Variants in ATL2 observed in about 807,000 individuals in gnomAD.
The protein encoded by ATL2 is atlastin-2.
In ATL2, 31 loss-of-function variants were observed where a neutral mutation model predicts 73.9. That is an observed-to-expected ratio of 0.42 (90% confidence interval 0.32 to 0.57). The LOEUF is 0.57. ATL2 is among the 20% of genes least tolerant of loss of function. The pLI, the probability that ATL2 is intolerant of heterozygous loss-of-function variation, is 0.14. For missense variants in ATL2, 738 were observed against 702.6 expected, an observed-to-expected ratio of 1.05 and a Z score of -0.57; for synonymous variants, 291 against 237.5, an observed-to-expected ratio of 1.23 and a Z score of -2.07.
chr2:38,312,723 A>AAAAAAAAG (rs572171542), intron 7 of ATL2, among the ~76,000 whole-genome samples: 3 of 149,292 alleles, frequency 2.0e-5, no homozygotes, highest in African/African-American at 7.6e-5. Flanking sequence ...AAAAAAAAAA[A>AAAAAAAAG]AAGAAGGTGC....
chr2:38,356,269 A>T (rs1359125549), intron 1 of ATL2, among the ~76,000 whole-genome samples: 1 of 151,526 alleles, frequency 6.6e-6, no homozygotes, highest in Admixed American at 6.6e-5. Context: ...ACCAGGCTGG[A>T]GTGCAATGGT....
At chr2:38,338,376 A>G (rs1669497048) in intron 2 of ATL2, among the ~76,000 whole-genome samples, 1 of 152,192 alleles carries the variant, frequency 6.6e-6, no homozygotes, top group African/African-American at 2.4e-5. Flanking sequence ...GGGTGACAAG[A>G]TCAATTGTAC....
chr2:38,346,789 G>A (rs59077348), intron 1 of ATL2, among the ~76,000 whole-genome samples: 15,950 of 152,174 alleles, frequency 0.1, 2,773 homozygotes, highest in African/African-American at 0.36. Context: ...GGCCACGGAC[G>A]AGTACCAGTC....
chr2:38,311,111 C>T (rs1050488398), intron 7 of ATL2, among the ~76,000 whole-genome samples: 1 of 145,578 alleles, frequency 6.9e-6, no homozygotes, highest in Admixed American at 6.6e-5. Context: ...AGCAACAAAA[C>T]AGAACAAAAC....
chr2:38,303,861 G>C (rs1267522135), intron 9 of ATL2, among the ~76,000 whole-genome samples: 1 of 152,200 alleles, frequency 6.6e-6, no homozygotes. Flanking sequence ...GCTGGGCGTG[G>C]TGGCTCATGC....
chr2:38,306,168 T>C (rs914500427), intron 9 of ATL2, among the ~76,000 whole-genome samples: 1 of 152,116 alleles, frequency 6.6e-6, no homozygotes, highest in Non-Finnish European at 1.5e-5. Flanking sequence ...TTCCTAGACA[T>C]ATACAACCTA....
At chr2:38,343,544 T>C (rs1303665076) in intron 1 of ATL2, 32 bp from the exon 2 acceptor site, 1 of 1,580,570 alleles carries the variant, frequency 6.3e-7, no homozygotes, top group East Asian at 2.2e-5. Context: ...ACTGGTTACT[T>C]TAATCCCTAT....
chr2:38,357,564 A>C (rs989635723), intron 1 of ATL2, among the ~76,000 whole-genome samples: 11 of 147,856 alleles, frequency 7.4e-5, no homozygotes, highest in African/African-American at 2.8e-4. Flanking sequence ...AGGCAGAAGA[A>C]TCGCTTGAAC....
chr2:38,333,598 T>C (rs1669127598), intron 2 of ATL2, among the ~76,000 whole-genome samples: 1 of 152,188 alleles, frequency 6.6e-6, no homozygotes, highest in African/African-American at 2.4e-5. Flanking sequence ...ACAAAGAGTT[T>C]GGAATGAAAA....
At chr2:38,354,192 A>G (rs1670527525) in intron 1 of ATL2, 1 of 435,016 alleles carries the variant, frequency 2.3e-6, no homozygotes, top group Non-Finnish European at 4.5e-6. Context: ...CTCAAAAAAA[A>G]GCAAAGAGTA....
chr2:38,371,539 A>T (rs539435392), intron 1 of ATL2, among the ~76,000 whole-genome samples: 1 of 152,164 alleles, frequency 6.6e-6, no homozygotes, highest in African/African-American at 2.4e-5. Context: ...TAAAAAAATT[A>T]CTGTAAGTTT....
intron 2 of ATL2, among the ~76,000 whole-genome samples, chr2:38,323,527 G>A (rs1668440623): frequency 6.6e-6 from 1 of 151,664 alleles, no homozygotes; most frequent in African/African-American, 2.4e-5. Context: ...TAATCAAATA[G>A]TGAATAAATA....
chr2:38,298,008 T>C (rs1666984745), intron 12 of ATL2, 136 bp downstream of exon 12: 1 of 810,372 alleles, frequency 1.2e-6, no homozygotes, highest in Non-Finnish European at 1.9e-6. Flanking sequence ...ATAAAGATTC[T>C]ACATCTGAAC....
intron 2 of ATL2, among the ~76,000 whole-genome samples, chr2:38,333,563 G>T (rs771021032): frequency 6.6e-6 from 1 of 152,110 alleles, no homozygotes; most frequent in African/African-American, 2.4e-5. Flanking sequence ...AGTTACTTTA[G>T]AAACAGTTAA....
chr2:38,346,400 A>C (rs1670017279), intron 1 of ATL2, among the ~76,000 whole-genome samples: 1 of 152,094 alleles, frequency 6.6e-6, no homozygotes, highest in Admixed American at 6.5e-5. Context: ...CAGAGGACTA[A>C]TGACTAAAAT....
chr2:38,340,669 T>C (rs1275979771), intron 2 of ATL2, among the ~76,000 whole-genome samples: 1 of 152,214 alleles, frequency 6.6e-6, no homozygotes, highest in Non-Finnish European at 1.5e-5. Flanking sequence ...TACAGGTTAA[T>C]AAAATAAATC....
At chr2:38,369,486 C>T (rs924662507) in intron 1 of ATL2, among the ~76,000 whole-genome samples, 3 of 151,508 alleles carry the variant, frequency 2.0e-5, no homozygotes, top group Admixed American at 2.0e-4. Flanking sequence ...CGGGGTTTCA[C>T]TATGTTGGTC....
chr2:38,347,767 C>CT (rs1177228968), intron 1 of ATL2, among the ~76,000 whole-genome samples: 1,572 of 133,898 alleles, frequency 0.012, 27 homozygotes, highest in East Asian at 0.09. Flanking sequence ...CTGCCCTTAC[C>CT]TTTTTTTTTT....
rs542534207 is a variant in ATL2, at chr2:38,350,266, G to T, written c.119-6754C>A. Among the ~76,000 whole-genome samples the T allele has an allele frequency of 2.6e-5, 4 of 152,208 alleles. 1 individual carries two copies. Among genetic ancestry groups the T allele is most frequent in the South Asian group, 2.1e-4 (1 of 4,824 alleles). ...ACAGTTCCAAGTCAGTTTTCCCTAC[G>T]CTAGCCCCCAGATGGGTCTTTCAAG... On this transcript the variant is annotated intron_variant, in intron 1 of 12. Transcript: ENST00000378954.
Sources: allele counts gnomAD v4.1 joint callset (sites outside exome capture counted in the v4.1 genomes callset), GRCh38; gene constraint gnomAD v4.1.1; transcripts MANE v1.5; gene names NCBI Gene and HGNC (gene_info 2026-07-23, HGNC 2026-07-21).